The following SPRY3 variants were observed in gnomAD, a reference collection of about 807,000 sequenced individuals.
SPRY3 encodes the protein protein sprouty homolog 3.
In SPRY3, 15 loss-of-function variants were observed where a neutral mutation model predicts 20.2. That is an observed-to-expected ratio of 0.74 (90% confidence interval 0.50 to 1.14). The LOEUF (loss-of-function observed/expected upper bound fraction) is 1.14, where lower values mean the gene tolerates loss of function less well. Ranked by LOEUF, SPRY3 falls within the 50% of genes most tolerant of loss-of-function variation. The pLI is 0.00. For synonymous variants in SPRY3, 143 were observed against 136.5 expected, an observed-to-expected ratio of 1.05 and a Z score of -0.33; for missense variants, 364 against 363.9, an observed-to-expected ratio of 1.00 and a Z score of 0.00.
At chrX:155,664,996 A>T (rs1345957002) in intron 2 of SPRY3, among the ~76,000 whole-genome samples, 1 of 110,868 alleles carries the variant, frequency 9.0e-6, no homozygotes, top group East Asian at 2.8e-4. Flanking sequence ...GATATTTACA[A>T]CTCACAAATG....
intron 2 of SPRY3, among the ~76,000 whole-genome samples, chrX:155,766,657 C>G (rs960965317): frequency 2.0e-5 from 3 of 152,156 alleles, no homozygotes; most frequent in Non-Finnish European, 4.4e-5. Context: ...AAGAAAGATC[C>G]TTTCCTATTG....
chrX:155,715,119 T>A (rs1370775662), intron 2 of SPRY3, among the ~76,000 whole-genome samples: 3 of 152,030 alleles, frequency 2.0e-5, no homozygotes, highest in African/African-American at 7.2e-5. Context: ...TCCCCTTTAC[T>A]TTTTCCTCTG....
chrX:155,669,303 A>G (rs1273246591), intron 2 of SPRY3, among the ~76,000 whole-genome samples: 1 of 111,511 alleles, frequency 9.0e-6, no homozygotes. Flanking sequence ...TATTTTAATT[A>G]TATTTATTTT....
chrX:155,657,274 C>A (rs1761084394), intron 2 of SPRY3, among the ~76,000 whole-genome samples: 1 of 112,020 alleles, frequency 8.9e-6, no homozygotes, highest in Non-Finnish European at 1.9e-5. Flanking sequence ...TCTATAAGCC[C>A]CTCACTGGAG....
intron 1 of SPRY3, among the ~76,000 whole-genome samples, chrX:155,651,179 G>A (rs1218804039): frequency 3.7e-5 from 4 of 109,014 alleles, no homozygotes; most frequent in African/African-American, 1.3e-4. Flanking sequence ...GGGTTCAAGA[G>A]ATCCTCATGC....
At chrX:155,741,780 C>T (rs2091205584) in intron 2 of SPRY3, among the ~76,000 whole-genome samples, 1 of 152,086 alleles carries the variant, frequency 6.6e-6, no homozygotes, top group African/African-American at 2.4e-5. Flanking sequence ...AGATCCTTTT[C>T]AGAAAAACAA....
chrX:155,721,267 A>G (rs1262842514), intron 2 of SPRY3, among the ~76,000 whole-genome samples: 2 of 152,168 alleles, frequency 1.3e-5, no homozygotes, highest in Admixed American at 6.5e-5. Flanking sequence ...AAAATAAAAA[A>G]AGAATAAAAA....
chrX:155,749,858 T>C (rs1044592718), intron 2 of SPRY3, among the ~76,000 whole-genome samples: 5 of 151,812 alleles, frequency 3.3e-5, no homozygotes, highest in African/African-American at 4.8e-5. Flanking sequence ...AAATATTCAA[T>C]TGGAGATTTT....
At chrX:155,628,048 G>C (rs1042217999) in intron 1 of SPRY3, among the ~76,000 whole-genome samples, 9 of 111,221 alleles carry the variant, frequency 8.1e-5, no homozygotes, top group Admixed American at 7.6e-4. Flanking sequence ...TTCTTTATAC[G>C]GTCTATCATT....
chrX:155,773,495 A>G (rs1179494312), intron 3 of SPRY3, among the ~76,000 whole-genome samples: 1 of 151,924 alleles, frequency 6.6e-6, no homozygotes, highest in Admixed American at 6.6e-5. Context: ...TGAATGAGCT[A>G]GCTGCTCCTG....
chrX:155,742,574 A>G (rs1228923966), intron 2 of SPRY3, among the ~76,000 whole-genome samples: 1 of 152,200 alleles, frequency 6.6e-6, no homozygotes, highest in Admixed American at 6.5e-5. Context: ...TTACTCTAAA[A>G]TTGATCACAT....
At chrX:155,714,354 C>T (rs2091006853) in intron 2 of SPRY3, among the ~76,000 whole-genome samples, 1 of 152,128 alleles carries the variant, frequency 6.6e-6, no homozygotes, top group Admixed American at 6.5e-5. Context: ...CTTAGGAAGA[C>T]TTTCCAGGTA....
Position 155,685,958 on chromosome X carries a change from G to T in SPRY3, c.-282+28933G>T, listed in dbSNP as rs571421. Among the ~76,000 whole-genome samples, 3 of 109,316 alleles carry T rather than the reference G, an allele frequency of 2.7e-5. No homozygotes were observed. In the South Asian group the frequency reaches 1.2e-3, roughly 43 times the overall value. 94.9% of individuals were successfully genotyped at this position (109,316 alleles called of 115,157 possible). ...AATTTTTGTATTCTTTAGTAGAGACGGGGGTTTGGTAGAAACCATGTTGGC... is the reference window on the plus strand; with the variant it reads ...AATTTTTGTATTCTTTAGTAGAGACTGGGGTTTGGTAGAAACCATGTTGGC... On this transcript the variant is annotated intron_variant, in intron 2 of 3. Transcript: ENST00000675360.
At chrX:155,746,907 T>C (rs1310883022) in intron 2 of SPRY3, among the ~76,000 whole-genome samples, 1 of 151,978 alleles carries the variant, frequency 6.6e-6, no homozygotes, top group Non-Finnish European at 1.5e-5. Context: ...CCAGGTACTA[T>C]ATGTTTCTAT....
chrX:155,728,293 G>C (rs1602969810), intron 2 of SPRY3, among the ~76,000 whole-genome samples: 2 of 152,272 alleles, frequency 1.3e-5, no homozygotes, highest in African/African-American at 4.8e-5. Flanking sequence ...TGAGGAGGCG[G>C]TCTGTTTCAG....
chrX:155,749,649 G>T (rs1002555061), intron 2 of SPRY3, among the ~76,000 whole-genome samples: 5 of 151,808 alleles, frequency 3.3e-5, no homozygotes, highest in Non-Finnish European at 5.9e-5. Flanking sequence ...AAATTGAGGT[G>T]AGGGCAATAA....
chrX:155,713,528 C>T lies in SPRY3; in HGVS notation c.-281-54434C>T, dbSNP rs770854743. ...TTTCAACACTTATATCATGCCACTC[C>T]CTCCTTGCCTGTAAGGTTTCCACTG... is the stretch of plus-strand genomic sequence containing the variant. On this transcript the variant is annotated intron_variant, in intron 2 of 3. Coordinates refer to ENST00000675360, the Ensembl canonical transcript of SPRY3. Among the ~76,000 whole-genome samples, 6 of 152,168 alleles carry T rather than the reference C, an allele frequency of 3.9e-5. No homozygotes were observed. The South Asian group carries it at 1.2e-3, about 32-fold the overall frequency.
intron 2 of SPRY3, among the ~76,000 whole-genome samples, chrX:155,704,258 C>A (rs1165003664): frequency 4.6e-5 from 7 of 151,532 alleles, no homozygotes; most frequent in Admixed American, 6.6e-5. Flanking sequence ...AATGTTCCAC[C>A]AGAAAAAGTG....
chrX:155,772,417 T>A (rs890926886), intron 3 of SPRY3, among the ~76,000 whole-genome samples: 55 of 152,280 alleles, frequency 3.6e-4, no homozygotes, highest in Admixed American at 2.9e-3. Flanking sequence ...CTCTCTCACT[T>A]GTTCATTTCT....
Sources: gnomAD v4.1 joint callset for allele counts (sites outside exome capture counted in the v4.1 genomes callset) on GRCh38, gnomAD v4.1.1 for gene constraint, MANE v1.5 for transcripts, NCBI Gene and HGNC (gene_info 2026-07-23, HGNC 2026-07-21) for gene names.